The following VRK3 variants were observed in gnomAD, a reference collection of about 807,000 sequenced individuals.
VRK3 encodes the protein serine/threonine-protein kinase VRK3.
In VRK3, 50 loss-of-function variants were observed where a neutral mutation model predicts 60.4. The observed-to-expected ratio is 0.83, with a 90% CI of 0.66 to 1.05. The LOEUF (loss-of-function observed/expected upper bound fraction) is 1.05. VRK3 is among the 50% of genes least tolerant of loss of function. VRK3 has a pLI of 0.00. For synonymous variants in VRK3, 246 were observed against 227.8 expected (o/e 1.08, Z -0.72); for missense variants, 549 against 585.3 (o/e 0.94, Z 0.64).
chr19:49,992,792 A>G, intron 10 of VRK3, 68 bp downstream of exon 10: 1 of 1,433,222 alleles, frequency 7.0e-7, no homozygotes, highest in Non-Finnish European at 9.8e-7. Context: ...TGAAATAAAT[A>G]GAGATTTGGA....
intron 13 of VRK3, 111 bp downstream of exon 13, chr19:49,980,844 T>C: frequency 3.2e-6 from 3 of 949,102 alleles, no homozygotes; most frequent in Non-Finnish European, 4.7e-6. Context: ...CAAATGCAAT[T>C]TGGAAAACTA....
rs1229949254 is a variant in VRK3, at chr19:49,989,585, C to T, written c.1096+54G>A. Reference sequence around the variant, plus strand: ...CTCTGGCTGTGAACTCCTAGAGCTGCCCTTGTATAAGAAGCATCTCTCTGC... The same window carrying T: ...CTCTGGCTGTGAACTCCTAGAGCTGTCCTTGTATAAGAAGCATCTCTCTGC... On this transcript the variant is annotated intron_variant, in intron 11 of 14. Transcript: ENST00000316763. 9 of 1,561,334 alleles carry T rather than the reference C, an allele frequency of 5.8e-6. No individual in the cohort carries two copies. The East Asian group carries it at 2.1e-4, about 36-fold the overall frequency.
chr19:49,996,559 A>C (rs777498216), intron 7 of VRK3, among the ~76,000 whole-genome samples: 11 of 152,282 alleles, frequency 7.2e-5, no homozygotes, highest in Non-Finnish European at 1.5e-4. Flanking sequence ...GAAGTGATGA[A>C]TTTCTGAGGG....
intron 3 of VRK3, among the ~76,000 whole-genome samples, chr19:50,010,048 T>TTATATA (rs767619218): frequency 0.023 from 3,453 of 148,288 alleles, 117 homozygotes; most frequent in African/African-American, 0.083. Context: ...AATAATTATT[T>TTATATA]TATATATATA....
intron 10 of VRK3, among the ~76,000 whole-genome samples, chr19:49,992,021 T>C (rs1399682850): frequency 2.0e-5 from 3 of 152,252 alleles, no homozygotes; most frequent in Non-Finnish European, 4.4e-5. Context: ...ACAATCAGTG[T>C]TGCCAGGAAC....
At chr19:49,993,006 G>C in intron 9 of VRK3, 54 bp from the exon 10 acceptor site, 1 of 1,506,610 alleles carries the variant, frequency 6.6e-7, no homozygotes, top group Admixed American at 1.8e-5. Context: ...AACACAGAGA[G>C]GCTATGGTGC....
At chr19:49,992,995 T>C (rs745937709) in intron 9 of VRK3, 43 bp from the exon 10 acceptor site, 4 of 1,561,798 alleles carry the variant, frequency 2.6e-6, no homozygotes, top group Non-Finnish European at 3.5e-6. Flanking sequence ...GCAGTACGAC[T>C]AACACAGAGA....
chr19:50,000,632 CTGGGCG>C, intron 6 of VRK3, 152 bp downstream of exon 6: 1 of 790,388 alleles, frequency 1.3e-6, no homozygotes, highest in Non-Finnish European at 2.1e-6. Flanking sequence ...TGATGGAGAA[CTGGGCG>C]CCTGCCCCGC....
intron 3 of VRK3, among the ~76,000 whole-genome samples, chr19:50,011,234 T>G (rs2076989726): frequency 6.6e-6 from 1 of 152,236 alleles, no homozygotes; most frequent in African/African-American, 2.4e-5. Flanking sequence ...TCTGTTTTCC[T>G]GTTGTTTCTC....
rs759101059 is a variant in VRK3, at chr19:50,007,817, C to T, written c.299G>A (p.Ser100Asn). The T allele has an allele frequency of 8.7e-6, 14 of 1,614,062 alleles. No homozygotes were observed. The East Asian group carries it at 8.9e-5, about 10-fold the overall frequency. Residue 100 changes from serine (S) to asparagine (N), a missense_variant, in exon 5 of 15, where the codon AGC (serine) becomes AAC (asparagine). Ser to Asn is a conservative substitution (Grantham distance 46). Coordinates refer to ENST00000316763, the MANE Select transcript of VRK3 (RefSeq NM_016440.4). ...SSSERSKGSG[S>N]RPPTPKSSPQ... is the part of the protein sequence containing the mutation. ...GCTGCTTTTGGGGGTTGGGGGTCTG[C>T]TCCCGGAGCCTGCAGGAGGATGTAA...
intron 3 of VRK3, among the ~76,000 whole-genome samples, chr19:50,014,833 G>A (rs1187800106): frequency 6.6e-6 from 1 of 152,188 alleles, no homozygotes; most frequent in East Asian, 1.9e-4. Flanking sequence ...GATGGGCTCT[G>A]ACTGTATTCA....
intron 7 of VRK3, among the ~76,000 whole-genome samples, chr19:49,996,656 G>A (rs778354674): frequency 2.0e-5 from 3 of 151,872 alleles, no homozygotes; most frequent in Non-Finnish European, 4.4e-5. Context: ...TCACTCTATC[G>A]CCCAGACTGG....
intron 7 of VRK3, chr19:49,997,209 T>G (rs1328985548): frequency 7.8e-6 from 2 of 256,662 alleles, no homozygotes; most frequent in Non-Finnish European, 1.5e-5. Flanking sequence ...GGTCTCAAAC[T>G]CCTGGCCTCA....
intron 1 of VRK3, among the ~76,000 whole-genome samples, chr19:50,021,453 G>A (rs779207147): frequency 1.9e-4 from 29 of 152,206 alleles, no homozygotes; most frequent in Non-Finnish European, 3.2e-4. Flanking sequence ...AGTTTCCACG[G>A]CATGAGGCAG....
At chr19:49,982,660 C>A (rs1028918108) in intron 12 of VRK3, among the ~76,000 whole-genome samples, 3 of 152,286 alleles carry the variant, frequency 2.0e-5, no homozygotes, top group East Asian at 1.9e-4. Context: ...GAAAGAACAG[C>A]AAGAATTGAT....
intron 12 of VRK3, 67 bp from the exon 13 acceptor site, chr19:49,981,080 G>T: frequency 8.3e-7 from 1 of 1,198,248 alleles, no homozygotes; most frequent in Non-Finnish European, 1.1e-6. Flanking sequence ...AAAACAGAAT[G>T]CCTAAGATAT....
intron 12 of VRK3, chr19:49,982,033 G>A: frequency 1.5e-6 from 1 of 667,968 alleles, no homozygotes; most frequent in Non-Finnish European, 2.7e-6. Context: ...AAGGGAGGGA[G>A]GTGGTCCCCC....
At chr19:50,012,129 G>A (rs148521476) in intron 3 of VRK3, among the ~76,000 whole-genome samples, 151 of 152,162 alleles carry the variant, frequency 9.9e-4, no homozygotes, top group Non-Finnish European at 1.3e-3. Flanking sequence ...GCACCACCAC[G>A]CCCAGCTAAT....
intron 3 of VRK3, among the ~76,000 whole-genome samples, chr19:50,015,206 G>A (rs2077055763): frequency 6.6e-6 from 1 of 152,166 alleles, no homozygotes; most frequent in African/African-American, 2.4e-5. Context: ...AACACAGGCT[G>A]AGCATCCCAA....
Sources: gnomAD v4.1 joint callset for allele counts (sites outside exome capture counted in the v4.1 genomes callset) on GRCh38, gnomAD v4.1.1 for gene constraint, MANE v1.5 for transcripts, NCBI Gene and HGNC (gene_info 2026-07-23, HGNC 2026-07-21) for gene names.